Variants in CNTN5 observed in about 807,000 individuals in gnomAD.
CNTN5 encodes contactin 5, also known as contactin-5.
Under a neutral mutation model 129.1 loss-of-function variants are expected in CNTN5, and 77 were observed. That is an observed-to-expected ratio of 0.60 (90% CI 0.50 to 0.72). The LOEUF (loss-of-function observed/expected upper bound fraction) is 0.72. Among genes scored for constraint, CNTN5 ranks in the 30% least tolerant of loss-of-function variants. The pLI, the probability that CNTN5 is intolerant of heterozygous loss-of-function variation, is 0.00. For synonymous variants in CNTN5, 509 were observed against 465.6 expected (o/e 1.09, Z -1.20); for missense variants, 1,478 against 1,328.8 (o/e 1.11, Z -1.75).
intron 9 of CNTN5, among the ~76,000 whole-genome samples, chr11:100,056,745 G>A (rs1393448667): frequency 6.6e-6 from 1 of 151,670 alleles, no homozygotes; most frequent in East Asian, 1.9e-4. Context: ...GTTTTCTGGG[G>A]AGTGAGGGGA....
At chr11:99,930,625 T>G (rs1950168768) in intron 7 of CNTN5, among the ~76,000 whole-genome samples, 1 of 152,228 alleles carries the variant, frequency 6.6e-6, no homozygotes, top group African/African-American at 2.4e-5. Context: ...AAAATGTTTA[T>G]TTTGTGTATA....
At chr11:99,054,383 G>A (rs1212009361) in intron 1 of CNTN5, among the ~76,000 whole-genome samples, 2 of 151,792 alleles carry the variant, frequency 1.3e-5, no homozygotes, top group African/African-American at 2.4e-5. Context: ...CTGATTCAGC[G>A]GGCCTTACTT....
chr11:99,694,302 A>G (rs1954166480), intron 3 of CNTN5, among the ~76,000 whole-genome samples: 1 of 152,106 alleles, frequency 6.6e-6, no homozygotes, highest in Non-Finnish European at 1.5e-5. Flanking sequence ...CTCAGCCAAA[A>G]TTATTTATTT....
chr11:99,789,662 T>G (rs775315721), intron 3 of CNTN5, among the ~76,000 whole-genome samples: 2 of 152,046 alleles, frequency 1.3e-5, no homozygotes, highest in Admixed American at 6.6e-5. Context: ...TTTCACTGTT[T>G]GAAATACTAC....
intron 6 of CNTN5, among the ~76,000 whole-genome samples, chr11:99,874,296 CTTAAG>C (rs1445615198): frequency 3.9e-5 from 6 of 152,120 alleles, no homozygotes; most frequent in Admixed American, 3.3e-4. Flanking sequence ...CTGTTGAAAA[CTTAAG>C]TTATTTGACT....
At chr11:100,162,876 T>C (rs1947502982) in intron 13 of CNTN5, among the ~76,000 whole-genome samples, 1 of 151,828 alleles carries the variant, frequency 6.6e-6, no homozygotes, top group East Asian at 1.9e-4. Flanking sequence ...AAGAGAAAGA[T>C]AGATGGTACT....
chr11:99,968,744 A>G (rs1243082192), intron 8 of CNTN5, among the ~76,000 whole-genome samples: 1 of 133,504 alleles, frequency 7.5e-6, no homozygotes, highest in Non-Finnish European at 1.5e-5. Context: ...TAAATCCAGG[A>G]GACTTTTTCT....
At chr11:99,026,018 T>G (rs1863093587) in intron 1 of CNTN5, among the ~76,000 whole-genome samples, 1 of 151,680 alleles carries the variant, frequency 6.6e-6, no homozygotes, top group Non-Finnish European at 1.5e-5. Flanking sequence ...TTCTTGAGCC[T>G]TTAAGTGTAC....
intron 1 of CNTN5, among the ~76,000 whole-genome samples, chr11:99,242,146 G>T (rs1452113511): frequency 6.6e-6 from 1 of 152,032 alleles, no homozygotes; most frequent in Non-Finnish European, 1.5e-5. Context: ...AGAAGGATTT[G>T]CCAAGAAGTT....
Position 100,264,511 on chromosome 11 carries a change from C to T in CNTN5, c.2165-6581C>T, listed in dbSNP as rs1441920837. 2.6e-5 allele frequency among the ~76,000 whole-genome samples: 4 copies of T among 152,124 alleles called. No homozygotes were observed. The East Asian group carries it at 5.8e-4, about 22-fold the overall frequency. On this transcript the variant is annotated intron_variant, in intron 17 of 24. Coordinates refer to ENST00000524871, the MANE Select transcript of CNTN5 (RefSeq NM_014361.4). ...GTTTTCTGTTCCTGTGTTAGTTTGT[C>T]GAGGATGATGGCTTCCAGTTTCATC...
At chr11:100,062,280 T>C (rs1943516479) in intron 10 of CNTN5, among the ~76,000 whole-genome samples, 1 of 152,226 alleles carries the variant, frequency 6.6e-6, no homozygotes, top group Non-Finnish European at 1.5e-5. Context: ...AAACCATGAC[T>C]GTCCCTGTAT....
intron 1 of CNTN5, among the ~76,000 whole-genome samples, chr11:99,052,505 G>C (rs1273122571): frequency 6.6e-6 from 1 of 151,812 alleles, no homozygotes; most frequent in Non-Finnish European, 1.5e-5. Flanking sequence ...AGGCTATATA[G>C]CGCAGGTACA....
chr11:99,452,379 T>G (rs1944337983), intron 2 of CNTN5, among the ~76,000 whole-genome samples: 1 of 146,626 alleles, frequency 6.8e-6, no homozygotes, highest in Non-Finnish European at 1.5e-5. Context: ...GGTGTTTTTT[T>G]TTTTTTTTTT....
intron 16 of CNTN5, among the ~76,000 whole-genome samples, chr11:100,225,925 C>T (rs931618605): frequency 2.6e-5 from 4 of 151,938 alleles, no homozygotes; most frequent in Admixed American, 2.0e-4. Flanking sequence ...TATATATCAC[C>T]GAATGTATAT....
intron 8 of CNTN5, among the ~76,000 whole-genome samples, chr11:99,976,209 G>T (rs769451876): frequency 2.7e-4 from 41 of 152,320 alleles, no homozygotes; most frequent in Non-Finnish European, 5.1e-4. Flanking sequence ...AAGGCCTTTG[G>T]CAACTCTGTC....
At chr11:100,038,933 C>T (rs1288461154) in intron 9 of CNTN5, among the ~76,000 whole-genome samples, 1 of 152,108 alleles carries the variant, frequency 6.6e-6, no homozygotes, top group African/African-American at 2.4e-5. Flanking sequence ...ATTTGCCAGT[C>T]TGTGTCTTTT....
intron 3 of CNTN5, among the ~76,000 whole-genome samples, chr11:99,630,765 A>G (rs551226295): frequency 1.3e-5 from 2 of 152,232 alleles, no homozygotes; most frequent in South Asian, 4.1e-4. Flanking sequence ...TCCTTGACCA[A>G]TCTCTTAATT....
In CNTN5 at chr11:100,121,255, T is replaced by C. The variant is rs1946011894; in HGVS notation, c.1580+46961T>C. On this transcript the variant is annotated intron_variant, in intron 13 of 24. Transcript: ENST00000524871. ...TACTTCTAGGCGGAACTGATGGACT[T>C]GAAGAACATAAAATGGTCTAGGACC... 2.0e-5 allele frequency among the ~76,000 whole-genome samples: 3 copies of C among 152,024 alleles called. 1 individual carries two copies. The highest frequency in any genetic ancestry group is 4.4e-5 in the Non-Finnish European group (3 of 67,972).
intron 1 of CNTN5, among the ~76,000 whole-genome samples, chr11:99,309,201 G>A (rs1215809899): frequency 6.7e-6 from 1 of 149,726 alleles, no homozygotes; most frequent in Non-Finnish European, 1.5e-5. Context: ...AGAGTGTTGG[G>A]TGGTTTTGTT....
Sources: allele counts gnomAD v4.1 joint callset (sites outside exome capture counted in the v4.1 genomes callset), GRCh38; gene constraint gnomAD v4.1.1; transcripts MANE v1.5; gene names NCBI Gene and HGNC (gene_info 2026-07-23, HGNC 2026-07-21).